The following ZEB2 variants were observed in gnomAD, a reference collection of about 807,000 sequenced individuals.
ZEB2 encodes the protein zinc finger E-box-binding homeobox 2.
In ZEB2, 6 loss-of-function variants were observed where a neutral mutation model predicts 99.9. That is an observed-to-expected ratio of 0.06 (90% CI 0.03 to 0.12). The LOEUF is 0.12. ZEB2 is among the 10% of genes least tolerant of loss of function. The pLI, the probability that ZEB2 is intolerant of heterozygous loss-of-function variation, is 1.00. For missense variants in ZEB2, 969 were observed against 1,502.8 expected, an observed-to-expected ratio of 0.64 and a Z score of 5.87; for synonymous variants, 517 against 542.5, an observed-to-expected ratio of 0.95 and a Z score of 0.65.
chr2:144,440,515 ATTTTTTTTT>A (rs201944188), intron 2 of ZEB2, among the ~76,000 whole-genome samples: 1,127 of 31,932 alleles, frequency 0.035, 3 homozygotes, highest in Non-Finnish European at 0.042. Flanking sequence ...ATATATATAT[ATTTTTTTTT>A]TTTTTTTTTT....
In ZEB2 at chr2:144,386,793, T is replaced by A. The variant is rs550131697; in HGVS notation, c.*2658A>T. On this transcript the variant is annotated 3_prime_UTR_variant, in exon 10 of 10. Transcript: ENST00000627532. ...CCTAGAGCCTTTCAAACCAGAAAAA[T>A]TTATGTAGTGTATTTATTTGTGCCA... The A allele has an allele frequency of 6.6e-6, 1 of 151,788 alleles. No individual in the cohort carries two copies. The highest frequency in any genetic ancestry group is 1.9e-4 in the East Asian group (1 of 5,138). 9.4% of individuals were successfully genotyped at this position (151,788 alleles called of 1,614,324 possible).
intron 2 of ZEB2, chr2:144,512,785 C>T (rs747732798): frequency 7.0e-6 from 9 of 1,287,036 alleles, no homozygotes; most frequent in South Asian, 1.2e-5. Context: ...GATACATAGC[C>T]CCCAGCCTTG....
chr2:144,437,070 C>A (rs1703849028), intron 2 of ZEB2, among the ~76,000 whole-genome samples: 1 of 152,128 alleles, frequency 6.6e-6, no homozygotes. Flanking sequence ...ATTGATGTTT[C>A]AAACATACAG....
At chr2:144,463,862 A>C (rs1208612066) in intron 2 of ZEB2, 1 of 151,488 alleles carries the variant, frequency 6.6e-6, no homozygotes, top group African/African-American at 2.4e-5. Context: ...ACAAAAAACA[A>C]AAAAAGAAAG....
chr2:144,403,722 C>T (rs187729797), intron 6 of ZEB2, among the ~76,000 whole-genome samples, 194 bp downstream of exon 6: 6 of 152,186 alleles, frequency 3.9e-5, no homozygotes, highest in Non-Finnish European at 5.9e-5. Flanking sequence ...CTCATTCGAT[C>T]GTGAACATAA....
chr2:144,448,620 A>G (rs1422705239), intron 2 of ZEB2: 1 of 152,254 alleles, frequency 6.6e-6, no homozygotes, highest in Non-Finnish European at 1.5e-5. Flanking sequence ...CTGCTGATAT[A>G]ATTACTAGAG....
Position 144,513,181 on chromosome 2 carries a change from C to A in ZEB2, c.73+4097G>T, listed in dbSNP as rs780624205. ...ATCTCTGAAACGGGAGCAACTTCTC[C>A]GTCCCTCATTGCCTCTAACCATCAC... On this transcript the variant is annotated intron_variant, in intron 2 of 9. Coordinates refer to ENST00000627532, the MANE Select transcript of ZEB2 (RefSeq NM_014795.4). The A allele has an allele frequency of 2.3e-5, 29 of 1,286,590 alleles. No homozygotes were observed. The South Asian group carries it at 3.6e-4, about 16-fold the overall frequency. 79.7% of individuals were successfully genotyped at this position (1,286,590 alleles called of 1,614,324 possible).
chr2:144,489,087 TCAG>T (rs1448647191), intron 2 of ZEB2, among the ~76,000 whole-genome samples: 1 of 152,220 alleles, frequency 6.6e-6, no homozygotes, highest in Non-Finnish European at 1.5e-5. Context: ...GTATTGTTGT[TCAG>T]CAGATCTCTA....
rs1703078166 is a variant in ZEB2 at position 144,386,000 on chromosome 2, C to G, written c.*3451G>C. 1.3e-5 allele frequency: 2 copies of G among 152,122 alleles called. No homozygotes were observed. The highest frequency in any genetic ancestry group is 4.8e-5 in the African/African-American group (2 of 41,412). 9.4% of individuals were successfully genotyped at this position (152,122 alleles called of 1,614,324 possible). A position where few individuals can be genotyped will look rare whatever the true frequency, so the allele number is the denominator to read the frequency against. ...CTTGCGGAGAAATTCTGATACGCAT[C>G]TCTCTTCCCAGTTATTTCAGGCCTA... On this transcript the variant is annotated 3_prime_UTR_variant, in exon 10 of 10. Transcript: ENST00000627532.
At chr2:144,451,172 T>C (rs1704050445) in intron 2 of ZEB2, among the ~76,000 whole-genome samples, 1 of 152,192 alleles carries the variant, frequency 6.6e-6, no homozygotes, top group Non-Finnish European at 1.5e-5. Context: ...TTCTGGCACT[T>C]TGTAGAGGTC....
intron 2 of ZEB2, among the ~76,000 whole-genome samples, chr2:144,498,375 T>C (rs1006170083): frequency 3.3e-5 from 5 of 151,226 alleles, no homozygotes; most frequent in Admixed American, 6.6e-5. Flanking sequence ...ACCTCCTCCA[T>C]CCCACCACTC....
At chr2:144,519,625 T>A in intron 1 of ZEB2, 1 of 214,488 alleles carries the variant, frequency 4.7e-6, no homozygotes, top group Non-Finnish European at 9.6e-6. Context: ...TCAATAAAAC[T>A]TTTCCTGGGC....
At chr2:144,491,585 A>G (rs1045083500) in intron 2 of ZEB2, among the ~76,000 whole-genome samples, 1 of 152,186 alleles carries the variant, frequency 6.6e-6, no homozygotes, top group African/African-American at 2.4e-5. Context: ...TACCTTCTTC[A>G]TATGTCCTCA....
At chr2:144,464,295 G>A (rs1246111147) in intron 2 of ZEB2, 2 of 152,086 alleles carry the variant, frequency 1.3e-5, no homozygotes, top group Non-Finnish European at 2.9e-5. Context: ...CCCTTTTAAT[G>A]TTGCACTGAT....
At chr2:144,480,389 G>A (rs1483962948) in intron 2 of ZEB2, among the ~76,000 whole-genome samples, 1 of 152,088 alleles carries the variant, frequency 6.6e-6, no homozygotes, top group Non-Finnish European at 1.5e-5. Flanking sequence ...CATTAGCAGG[G>A]TTCCCAGTAG....
chr2:144,481,983 G>A (rs1704519822), intron 2 of ZEB2, among the ~76,000 whole-genome samples: 1 of 152,256 alleles, frequency 6.6e-6, no homozygotes, highest in South Asian at 2.1e-4. Context: ...TAAGGGAGAG[G>A]ATCCGGTTTT....
chr2:144,401,726 C>G (rs2149878195), intron 6 of ZEB2, among the ~76,000 whole-genome samples: 1 of 152,086 alleles, frequency 6.6e-6, no homozygotes, highest in East Asian at 1.9e-4. Flanking sequence ...TCAAGAAAAA[C>G]CACCCCCACA....
intron 3 of ZEB2, chr2:144,427,462 C>T (rs572421295): frequency 6.6e-6 from 1 of 152,318 alleles, no homozygotes; most frequent in South Asian, 2.1e-4. Context: ...TGAGGTATGA[C>T]TGTAGACAGC....
In ZEB2 at chr2:144,399,491, C is replaced by A; in HGVS notation, c.1696G>T (p.Val566Phe). ...TTCTCAATCATTTTGTCATCAGTGACCAAATCTATTAAAGTACGTAGCTTC... is the reference window on the plus strand; with the variant it reads ...TTCTCAATCATTTTGTCATCAGTGAACAAATCTATTAAAGTACGTAGCTTC... ...KEKLRTLIDL[V>F]TDDKMIENHN... The change falls in exon 8 of 10, where the codon GTC becomes TTC. Residue 566 changes from valine (V) to phenylalanine (F), a missense_variant. Val to Phe is a conservative substitution (Grantham distance 50, BLOSUM62 -1). Coordinates refer to ENST00000627532, the MANE Select transcript of ZEB2 (RefSeq NM_014795.4). This position sits in a 1 kb window ranked among gnomAD's most constrained non-coding sequence, Gnocchi z 5.6. 4 of 1,614,140 alleles carry A rather than the reference C, an allele frequency of 2.5e-6. No homozygotes were observed. The highest frequency in any genetic ancestry group is 3.4e-6 in the Non-Finnish European group (4 of 1,180,014).
Sources: allele counts gnomAD v4.1 joint callset (sites outside exome capture counted in the v4.1 genomes callset), GRCh38; gene constraint gnomAD v4.1.1; non-coding constraint Gnocchi (gnomAD v3.1); transcripts MANE v1.5; gene names NCBI Gene and HGNC (gene_info 2026-07-23, HGNC 2026-07-21).